FBXO22: variants seen among roughly 807,000 people sequenced by gnomAD.
The protein encoded by FBXO22 is F-box only protein 22.
In FBXO22, 13 loss-of-function variants were observed where a neutral mutation model predicts 37.2. The ratio of observed to expected loss-of-function variants is 0.35; its 90% confidence interval spans 0.23 to 0.56. The LOEUF (loss-of-function observed/expected upper bound fraction) is 0.56, where lower values mean the gene tolerates loss of function less well. Ranked by LOEUF, FBXO22 falls within the 20% of genes least tolerant of loss-of-function variation. The pLI is 0.87. For missense variants in FBXO22, 446 were observed against 509.9 expected (o/e 0.87, Z 1.21); for synonymous variants, 189 against 189.1 (o/e 1.00, Z 0.00).
rs1206362108 is a variant in FBXO22, at chr15:75,937,779, T to C, written c.*4677T>C. 1 of 152,226 alleles carries C rather than the reference T, an allele frequency of 6.6e-6. No homozygotes were observed. The highest frequency in any genetic ancestry group is 1.5e-5 in the Non-Finnish European group (1 of 68,052). The allele number at this position is 152,226 out of a possible 1,614,324, so 9.4% of individuals were successfully genotyped here. A position where few individuals can be genotyped will look rare whatever the true frequency, so the allele number is the denominator to read the frequency against. ...TGTGTACATTTTTTTCTAACCTGTC[T>C]GCGGATACTTGAAGGACTGACACAA... On this transcript the variant is annotated 3_prime_UTR_variant, in exon 7 of 7. Coordinates refer to ENST00000308275, the MANE Select transcript of FBXO22 (RefSeq NM_147188.3).
chr15:75,917,708 T>C (rs1221254739), intron 5 of FBXO22, among the ~76,000 whole-genome samples: 1 of 152,262 alleles, frequency 6.6e-6, no homozygotes, highest in Non-Finnish European at 1.5e-5. Flanking sequence ...AAGGAATTCT[T>C]GCTCTAATAG....
Position 75,941,005 on chromosome 15 carries a change from A to G in FBXO22, c.*7903A>G, listed in dbSNP as rs779900370. 3.3e-4 allele frequency: 51 copies of G among 152,292 alleles called. No individual in the cohort carries two copies. Among genetic ancestry groups the G allele is most frequent in the Admixed American group, 9.1e-4 (14 of 15,306 alleles). The allele number at this position is 152,292 out of a possible 1,614,324, so 9.4% of individuals were successfully genotyped here. A position where few individuals can be genotyped will look rare whatever the true frequency, so the allele number is the denominator to read the frequency against. ...TATCAACAGAGTAAAAAGATTACCTATGGAGTGGGAGGAAATAATATGCAG... is the reference window on the plus strand; with the variant it reads ...TATCAACAGAGTAAAAAGATTACCTGTGGAGTGGGAGGAAATAATATGCAG... On this transcript the variant is annotated 3_prime_UTR_variant, in exon 7 of 7. Transcript: ENST00000308275.
chr15:75,912,582 G>T (rs1483187037), intron 2 of FBXO22, among the ~76,000 whole-genome samples: 3 of 152,150 alleles, frequency 2.0e-5, no homozygotes, highest in African/African-American at 7.2e-5. Context: ...ATTCTCTGAT[G>T]GTAGTCTGTA....
chr15:75,913,492 T>C (rs1207588717), intron 3 of FBXO22, among the ~76,000 whole-genome samples: 3 of 152,164 alleles, frequency 2.0e-5, no homozygotes, highest in African/African-American at 7.2e-5. Flanking sequence ...TGTAGTGCAA[T>C]TGAAACAAAT....
At chr15:75,909,372 G>T (rs1345677953) in intron 2 of FBXO22, among the ~76,000 whole-genome samples, 2 of 152,176 alleles carry the variant, frequency 1.3e-5, no homozygotes, top group Non-Finnish European at 2.9e-5. Context: ...GGGGAAGTCG[G>T]TGTGTCTGGA....
rs2031071402 is a variant in FBXO22, at chr15:75,942,295, A to C, written c.*9193A>C. 6.6e-6 allele frequency: 1 copy of C among 152,190 alleles called. No individual in the cohort carries two copies. Among genetic ancestry groups the C allele is most frequent in the Non-Finnish European group, 1.5e-5 (1 of 68,034 alleles). 9.4% of individuals were successfully genotyped at this position (152,190 alleles called of 1,614,324 possible). On this transcript the variant is annotated 3_prime_UTR_variant, in exon 7 of 7. Transcript: ENST00000308275. ...ACATACAACAAAAAGAGGACCCTTC[A>C]TGTAAATTACAGGCTTCAGCTAGCC...
chr15:75,942,046 A>G lies in FBXO22; in HGVS notation c.*8944A>G, dbSNP rs1239806153. On this transcript the variant is annotated 3_prime_UTR_variant, in exon 7 of 7. Transcript: ENST00000308275. ...AGACATAGAGGAACTTTAAGTGTATATTGCTAAGTGAAAGAAGTTAGTCTG... is the reference window on the plus strand; with the variant it reads ...AGACATAGAGGAACTTTAAGTGTATGTTGCTAAGTGAAAGAAGTTAGTCTG... The G allele has an allele frequency of 6.8e-6, 1 of 146,200 alleles. No homozygotes were observed. The highest frequency in any genetic ancestry group is 6.9e-5 in the Admixed American group (1 of 14,408). The allele number at this position is 146,200 out of a possible 1,614,324, so 9.1% of individuals were successfully genotyped here.
intron 5 of FBXO22, among the ~76,000 whole-genome samples, chr15:75,918,773 A>G (rs1397343488): frequency 6.6e-6 from 1 of 152,164 alleles, no homozygotes; most frequent in Non-Finnish European, 1.5e-5. Context: ...GATCTCACTC[A>G]TGTGTGGAAT....
chr15:75,904,297 G>A, intron 1 of FBXO22, 194 bp downstream of exon 1: 1 of 1,086,302 alleles, frequency 9.2e-7, no homozygotes, highest in Non-Finnish European at 1.3e-6. Flanking sequence ...CCTGAGGGGC[G>A]AAGTTCCCCT....
At chr15:75,926,035 A>G (rs1285810996) in intron 5 of FBXO22, among the ~76,000 whole-genome samples, 1 of 152,214 alleles carries the variant, frequency 6.6e-6, no homozygotes, top group Non-Finnish European at 1.5e-5. Flanking sequence ...CTAAGGTTAC[A>G]TTTTGTAACC....
chr15:75,909,134 C>T (rs964328177), intron 2 of FBXO22, among the ~76,000 whole-genome samples: 2 of 152,082 alleles, frequency 1.3e-5, no homozygotes, highest in African/African-American at 2.4e-5. Context: ...GCTGCTTTGC[C>T]GCTTGTCTTC....
chr15:75,920,792 C>T (rs1341910146), intron 5 of FBXO22, among the ~76,000 whole-genome samples: 2 of 152,126 alleles, frequency 1.3e-5, no homozygotes, highest in African/African-American at 4.8e-5. Flanking sequence ...CACTCTACTG[C>T]AGCCTGGGTG....
Position 75,920,529 on chromosome 15 carries a change from T to C in FBXO22, c.628+3135T>C, listed in dbSNP as rs549054489. Among the ~76,000 whole-genome samples, 4 of 152,312 alleles carry C rather than the reference T, an allele frequency of 2.6e-5. No homozygotes were observed. In the South Asian group the frequency reaches 8.3e-4, roughly 32 times the overall value. ...GGCTCATAATGTAGAACTCCTACAT[T>C]AATTTTATTCAGGCTGGTATGGTGG... is the stretch of plus-strand genomic sequence containing the variant. On this transcript the variant is annotated intron_variant, in intron 5 of 6. Coordinates refer to ENST00000308275, the MANE Select transcript of FBXO22 (RefSeq NM_147188.3).
At position 75,935,927 on chromosome 15, in the gene FBXO22, A is replaced by G. The variant is rs1278772070; in HGVS notation, c.*2825A>G. 1 of 151,982 alleles carries G rather than the reference A, an allele frequency of 6.6e-6. No individual in the cohort carries two copies. The highest frequency in any genetic ancestry group is 6.6e-5 in the Admixed American group (1 of 15,258). The allele number at this position is 151,982 out of a possible 1,614,324, so 9.4% of individuals were successfully genotyped here. On this transcript the variant is annotated 3_prime_UTR_variant, in exon 7 of 7. Coordinates refer to ENST00000308275, the MANE Select transcript of FBXO22 (RefSeq NM_147188.3). ...CTCAGCCTCCCGAGTAGCTGGGACTACAGGCGCCCGCCACCGCGCCCGGCT... is the reference window on the plus strand; with the variant it reads ...CTCAGCCTCCCGAGTAGCTGGGACTGCAGGCGCCCGCCACCGCGCCCGGCT...
Position 75,941,970 on chromosome 15 carries a change from A to T in FBXO22, c.*8868A>T, listed in dbSNP as rs2031031987. 8.1e-6 allele frequency: 1 copy of T among 123,506 alleles called. No homozygotes were observed. The highest frequency in any genetic ancestry group is 2.9e-5 in the African/African-American group (1 of 34,104). The allele number at this position is 123,506 out of a possible 1,614,324, so 7.7% of individuals were successfully genotyped here. ...AAAAAAAAAAAAAAAAATATGGCCT[A>T]GCTTTTTTTTTTTTTTTTAAAAAGG... is the stretch of plus-strand genomic sequence containing the variant. On this transcript the variant is annotated 3_prime_UTR_variant, in exon 7 of 7. Transcript: ENST00000308275.
At chr15:75,914,663 G>T (rs150685027) in intron 4 of FBXO22, among the ~76,000 whole-genome samples, 187 of 152,294 alleles carry the variant, frequency 1.2e-3, no homozygotes, top group African/African-American at 4.3e-3. Context: ...ATTGCTGCTG[G>T]TGAATTTTTG....
At chr15:75,916,772 T>G (rs996870061) in intron 4 of FBXO22, among the ~76,000 whole-genome samples, 1 of 152,190 alleles carries the variant, frequency 6.6e-6, no homozygotes, top group African/African-American at 2.4e-5. Context: ...ACATTCAGGT[T>G]TTTTCTTTTT....
At position 75,941,713 on chromosome 15, in the gene FBXO22, G is replaced by A. The variant is rs2030972143; in HGVS notation, c.*8611G>A. 1 of 152,192 alleles carries A rather than the reference G, an allele frequency of 6.6e-6. No homozygotes were observed. The highest frequency in any genetic ancestry group is 1.5e-5 in the Non-Finnish European group (1 of 67,992). The allele number at this position is 152,192 out of a possible 1,614,324, so 9.4% of individuals were successfully genotyped here. The stretch of plus-strand genomic sequence containing the variant: ...GGTACCTAGACTAGTGAGATTCATA[G>A]AGACAAAGTAGAACAAAGATTACGT... On this transcript the variant is annotated 3_prime_UTR_variant, in exon 7 of 7. Transcript: ENST00000308275.
chr15:75,909,511 C>G (rs1293105050), intron 2 of FBXO22, among the ~76,000 whole-genome samples: 1 of 152,158 alleles, frequency 6.6e-6, no homozygotes, highest in Non-Finnish European at 1.5e-5. Context: ...TTCCCCAGTG[C>G]TGAGATTTTT....
Sources: gnomAD v4.1 joint callset for allele counts (sites outside exome capture counted in the v4.1 genomes callset) on GRCh38, gnomAD v4.1.1 for gene constraint, MANE v1.5 for transcripts, NCBI Gene and HGNC (gene_info 2026-07-23, HGNC 2026-07-21) for gene names.